The following RIPK2 variants were observed in gnomAD, a reference collection of about 807,000 sequenced individuals.
The protein encoded by RIPK2 is receptor interacting serine/threonine kinase 2.
RIPK2 carries 38 observed loss-of-function variants against 60.9 expected under a neutral mutation model. That is an observed-to-expected ratio of 0.62 (90% confidence interval 0.48 to 0.82). The LOEUF (loss-of-function observed/expected upper bound fraction) is 0.82. Among genes scored for constraint, RIPK2 ranks in the 40% least tolerant of loss-of-function variants. The pLI is 0.00. For missense variants in RIPK2, 518 were observed against 647.0 expected, an observed-to-expected ratio of 0.80 and a Z score of 2.16; for synonymous variants, 225 against 223.4, an observed-to-expected ratio of 1.01 and a Z score of -0.06.
chr8:89,763,708 G>A (rs1809181808), intron 2 of RIPK2, among the ~76,000 whole-genome samples: 2 of 152,072 alleles, frequency 1.3e-5, no homozygotes, highest in South Asian at 4.1e-4. Flanking sequence ...ACAATGCCCT[G>A]TAAGTGGCCA....
Position 89,790,472 on chromosome 8 carries a change from G to A in RIPK2, c.*56G>A. On this transcript the variant is annotated 3_prime_UTR_variant, in exon 11 of 11. Coordinates refer to ENST00000220751, the MANE Select transcript of RIPK2 (RefSeq NM_003821.6). Reference sequence around the variant, plus strand: ...ATAAAAGGATATTTATATCTCTGTTGCTTTGACTTTTTTTATATAAAATCC... The same window carrying A: ...ATAAAAGGATATTTATATCTCTGTTACTTTGACTTTTTTTATATAAAATCC... 7.7e-7 allele frequency: 1 copy of A among 1,292,890 alleles called. No homozygotes were observed. The highest frequency in any genetic ancestry group is 2.5e-5 in the Admixed American group (1 of 40,052). 80.1% of individuals were successfully genotyped at this position (1,292,890 alleles called of 1,614,324 possible).
intron 7 of RIPK2, among the ~76,000 whole-genome samples, chr8:89,782,715 A>G (rs910187130): frequency 1.3e-5 from 2 of 152,092 alleles, no homozygotes; most frequent in African/African-American, 4.8e-5. Flanking sequence ...CATTTTTTCA[A>G]CTCTTGGAAT....
In RIPK2 at chr8:89,758,034, C is replaced by T; in HGVS notation, c.-27C>T. 1 of 1,545,660 alleles carries T rather than the reference C, an allele frequency of 6.5e-7. No homozygotes were observed. The stretch of plus-strand genomic sequence containing the variant: ...GGAGCCGCCGCAGCAGGGGGCACAC[C>T]CGGAACCGGCCTGAGCGCCCGGGAC... On this transcript the variant is annotated 5_prime_UTR_variant, in exon 1 of 11. Transcript: ENST00000220751.
intron 6 of RIPK2, among the ~76,000 whole-genome samples, chr8:89,776,190 A>T (rs1488006892): frequency 1.3e-5 from 2 of 152,174 alleles, no homozygotes; most frequent in Admixed American, 1.3e-4. Context: ...TTAATAAATG[A>T]GGTAAGTCTG....
intron 7 of RIPK2, chr8:89,780,515 T>TA (rs34552518): frequency 7.5e-4 from 108 of 143,160 alleles, no homozygotes; most frequent in South Asian, 3.6e-3. Context: ...ATTTAAAACG[T>TA]AAAAAAAAAA....
rs200627257 is a variant in RIPK2 at position 89,758,013 on chromosome 8, C to T, written c.-48C>T. On this transcript the variant is annotated 5_prime_UTR_variant, in exon 1 of 11. Coordinates refer to ENST00000220751, the MANE Select transcript of RIPK2 (RefSeq NM_003821.6). ...GAGCGCGGCGTGGGAGCCTTGGGAGCCGCCGCAGCAGGGGGCACACCCGGA... is the reference window on the plus strand; with the variant it reads ...GAGCGCGGCGTGGGAGCCTTGGGAGTCGCCGCAGCAGGGGGCACACCCGGA... 27 of 1,491,502 alleles carry T rather than the reference C, an allele frequency of 1.8e-5. No individual in the cohort carries two copies. The highest frequency in any genetic ancestry group is 1.8e-4 in the Middle Eastern group (1 of 5,488). The allele number at this position is 1,491,502 out of a possible 1,614,324, so 92.4% of individuals were successfully genotyped here. A position where few individuals can be genotyped will look rare whatever the true frequency, so the allele number is the denominator to read the frequency against.
chr8:89,778,757 A>G (rs1187774373), intron 6 of RIPK2, among the ~76,000 whole-genome samples: 1 of 152,210 alleles, frequency 6.6e-6, no homozygotes, highest in Non-Finnish European at 1.5e-5. Context: ...GCCTCTGTGA[A>G]TAATGCTGCT....
intron 6 of RIPK2, among the ~76,000 whole-genome samples, chr8:89,774,335 C>T (rs974350380): frequency 6.6e-6 from 1 of 152,050 alleles, no homozygotes; most frequent in African/African-American, 2.4e-5. Flanking sequence ...CAAATTAAAA[C>T]TGCAATGAGT....
intron 3 of RIPK2, among the ~76,000 whole-genome samples, chr8:89,767,656 G>A (rs1458762415): frequency 2.0e-5 from 3 of 151,724 alleles, no homozygotes; most frequent in Middle Eastern, 3.4e-3. Flanking sequence ...CCTGTAACAG[G>A]GAGTCTTAAC....
intron 7 of RIPK2, chr8:89,780,506 T>C: frequency 9.7e-6 from 1 of 103,164 alleles, no homozygotes; most frequent in Non-Finnish European, 1.8e-5. Flanking sequence ...CCCACCTTTA[T>C]TTAAAACGTA....
chr8:89,769,694 T>C, intron 3 of RIPK2, 78 bp from the exon 4 acceptor site: 1 of 924,852 alleles, frequency 1.1e-6, no homozygotes, highest in Non-Finnish European at 1.6e-6. Flanking sequence ...CTAAATACAG[T>C]GAATATACAA....
In RIPK2 at chr8:89,790,465, C is replaced by A; in HGVS notation, c.*49C>A. Reference sequence around the variant, plus strand: ...GTGTTTCATAAAAGGATATTTATATCTCTGTTGCTTTGACTTTTTTTATAT... The same window carrying A: ...GTGTTTCATAAAAGGATATTTATATATCTGTTGCTTTGACTTTTTTTATAT... On this transcript the variant is annotated 3_prime_UTR_variant, in exon 11 of 11. Coordinates refer to ENST00000220751, the MANE Select transcript of RIPK2 (RefSeq NM_003821.6). 1 of 1,348,720 alleles carries A rather than the reference C, an allele frequency of 7.4e-7. No individual in the cohort carries two copies. Among genetic ancestry groups the A allele is most frequent in the Non-Finnish European group, 1.0e-6 (1 of 989,122 alleles). 83.5% of individuals were successfully genotyped at this position (1,348,720 alleles called of 1,614,324 possible).
Position 89,790,648 on chromosome 8 carries a change from T to G in RIPK2, c.*232T>G. 2.5e-6 allele frequency: 1 copy of G among 402,748 alleles called. No homozygotes were observed. Among genetic ancestry groups the G allele is most frequent in the Non-Finnish European group, 4.4e-6 (1 of 225,750 alleles). The allele number at this position is 402,748 out of a possible 1,614,324, so 24.9% of individuals were successfully genotyped here. Reference sequence around the variant, plus strand: ...GTCTCTTTTGTTAACAGAAACCACTTTTAAAGGATAGTAATTATTCTTGTT... The same window carrying G: ...GTCTCTTTTGTTAACAGAAACCACTGTTAAAGGATAGTAATTATTCTTGTT... On this transcript the variant is annotated 3_prime_UTR_variant, in exon 11 of 11. Transcript: ENST00000220751.
chr8:89,790,051 A>C, intron 10 of RIPK2, 28 bp from the exon 11 acceptor site: 1 of 1,534,838 alleles, frequency 6.5e-7, no homozygotes, highest in Non-Finnish European at 8.9e-7. Context: ...CTCACCTTTT[A>C]AATTATTCAT....
rs768863616 is a variant in RIPK2 at position 89,758,231 on chromosome 8, CA to C, written c.172del (p.Ser58ValfsTer7). The C allele has an allele frequency of 2.5e-6, 4 of 1,601,792 alleles. No homozygotes were observed. The highest frequency in any genetic ancestry group is 3.4e-6 in the Non-Finnish European group (4 of 1,175,246). On this transcript the variant is annotated frameshift_variant and splice_region_variant, in exon 1 of 11. Transcript: ENST00000220751. LOFTEE classifies it high-confidence loss of function. ...HLHIHTPLLD[S>X]ERKDVLREAE... ...TGCACATCCACACTCCGCTGCTCGA[CA>C]GGTAGGCAGTCACTGGGGTTCCCTG...
Position 89,762,996 on chromosome 8 carries a change from A to T in RIPK2, c.327+14A>T. On this transcript the variant is annotated intron_variant, in intron 2 of 10. Transcript: ENST00000220751. Reference sequence around the variant, plus strand: ...CTCCTACATAGGGTAAGTATTACACAGTTTTAGTGGCCATAATTGCCATTT... The same window carrying T: ...CTCCTACATAGGGTAAGTATTACACTGTTTTAGTGGCCATAATTGCCATTT... 2 of 1,378,498 alleles carry T rather than the reference A, an allele frequency of 1.5e-6. No individual in the cohort carries two copies. The highest frequency in any genetic ancestry group is 2.0e-5 in the South Asian group (1 of 49,314). 85.4% of individuals were successfully genotyped at this position (1,378,498 alleles called of 1,614,324 possible).
In RIPK2 at chr8:89,780,056, A is replaced by AT; in HGVS notation, c.854-12dup. On this transcript the variant is annotated intron_variant, in intron 6 of 10. Coordinates refer to ENST00000220751, the MANE Select transcript of RIPK2 (RefSeq NM_003821.6). ...TAGAAGCAATCTGAACTCAACCTGT[A>AT]TTTTTTTCTCTTATGTAGAATGTTT... 4 of 1,272,218 alleles carry AT rather than the reference A, an allele frequency of 3.1e-6. No individual in the cohort carries two copies. The highest frequency in any genetic ancestry group is 4.1e-5 in the Admixed American group (2 of 48,798). 78.8% of individuals were successfully genotyped at this position (1,272,218 alleles called of 1,614,324 possible). A position where few individuals can be genotyped will look rare whatever the true frequency, so the allele number is the denominator to read the frequency against.
At chr8:89,768,503 G>A (rs140827003) in intron 3 of RIPK2, among the ~76,000 whole-genome samples, 61 of 151,618 alleles carry the variant, frequency 4.0e-4, no homozygotes, top group African/African-American at 1.3e-3. Context: ...GTTAATCCGC[G>A]CTTTTGGAGA....
chr8:89,774,672 G>A (rs116868490), intron 6 of RIPK2, among the ~76,000 whole-genome samples: 96 of 152,224 alleles, frequency 6.3e-4, no homozygotes, highest in Non-Finnish European at 1.1e-3. Context: ...ACATGAATCT[G>A]TTGTTCCAGG....
Sources: allele counts gnomAD v4.1 joint callset (sites outside exome capture counted in the v4.1 genomes callset), GRCh38; gene constraint gnomAD v4.1.1; transcripts MANE v1.5; gene names NCBI Gene and HGNC (gene_info 2026-07-23, HGNC 2026-07-21).